The following SHISA9 variants were observed in gnomAD, a reference collection of about 807,000 sequenced individuals.
SHISA9 encodes shisa family member 9.
Under a neutral mutation model 38.0 loss-of-function variants are expected in SHISA9, and 13 were observed. The observed-to-expected ratio is 0.34, with a 90% CI of 0.22 to 0.54. The LOEUF (loss-of-function observed/expected upper bound fraction) is 0.54, where lower values mean the gene tolerates loss of function less well. Ranked by LOEUF, SHISA9 falls within the 20% of genes least tolerant of loss-of-function variation. The pLI is 0.91. For missense variants in SHISA9, 538 were observed against 575.8 expected, an observed-to-expected ratio of 0.93 and a Z score of 0.67; for synonymous variants, 275 against 242.0, an observed-to-expected ratio of 1.14 and a Z score of -1.27.
intron 2 of SHISA9, among the ~76,000 whole-genome samples, chr16:13,061,342 A>T (rs2073373482): frequency 6.6e-6 from 1 of 152,206 alleles, no homozygotes; most frequent in Non-Finnish European, 1.5e-5. Flanking sequence ...TAGGCAAGGA[A>T]ATAGTTTTGA....
chr16:13,155,063 A>G (rs543140399), intron 2 of SHISA9, among the ~76,000 whole-genome samples: 4 of 152,236 alleles, frequency 2.6e-5, no homozygotes, highest in Non-Finnish European at 2.9e-5. Context: ...AAATAATGAC[A>G]TGGGATGAAA....
Position 13,171,651 on chromosome 16 carries a change from C to T in SHISA9, c.692-31743C>T, listed in dbSNP as rs115145721. On this transcript the variant is annotated intron_variant, in intron 2 of 4. Transcript: ENST00000558583. Reference sequence around the variant, plus strand: ...GAGCATTTGGGGAAATGAAAGGAGACCAGGTGGCTAAAAGTTTAGCAAAGA... The same window carrying T: ...GAGCATTTGGGGAAATGAAAGGAGATCAGGTGGCTAAAAGTTTAGCAAAGA... Among the ~76,000 whole-genome samples the T allele has an allele frequency of 5.5e-3, 828 of 151,704 alleles. 6 individuals are homozygous for T. The highest frequency in any genetic ancestry group is 0.017 in the African/African-American group (703 of 41,298).
rs1033653518 is a variant in SHISA9 at position 13,170,219 on chromosome 16, A to T, written c.692-33175A>T. Among the ~76,000 whole-genome samples the T allele has an allele frequency of 2.9e-3, 447 of 151,676 alleles. 1 individual carries two copies. Among genetic ancestry groups the T allele is most frequent in the Non-Finnish European group, 5.4e-3 (366 of 67,880 alleles). On this transcript the variant is annotated intron_variant, in intron 2 of 4. Coordinates refer to ENST00000558583, the MANE Select transcript of SHISA9 (RefSeq NM_001145204.3). ...CTCCATCTCAAAAAAAAAAAAAAAA[A>T]AGAAAAGAAAAGTAAAATATATGTT...
chr16:13,392,302 C>A, the SHISA9 span, among the ~76,000 whole-genome samples: 1 of 152,034 alleles, frequency 6.6e-6, no homozygotes, highest in African/African-American at 2.4e-5. Context: ...TTGACAGCTC[C>A]CTTCTTTTTA....
chr16:12,973,526 G>A lies in SHISA9; in HGVS notation c.691+56711G>A, dbSNP rs927475604. On this transcript the variant is annotated intron_variant, in intron 2 of 4. Transcript: ENST00000558583. Reference sequence around the variant, plus strand: ...GAGCAGAGATTTGGCAGACAACTGGGAGGCATCAGACTAATTCATCCCATC... The same window carrying A: ...GAGCAGAGATTTGGCAGACAACTGGAAGGCATCAGACTAATTCATCCCATC... Among the ~76,000 whole-genome samples, 3 of 152,174 alleles carry A rather than the reference G, an allele frequency of 2.0e-5. No individual in the cohort carries two copies. The East Asian group carries it at 5.8e-4, about 29-fold the overall frequency.
the SHISA9 span, among the ~76,000 whole-genome samples, chr16:13,538,871 C>G: frequency 6.6e-6 from 1 of 152,170 alleles, no homozygotes; most frequent in East Asian, 1.9e-4. Context: ...ACTTTAATAA[C>G]ACAATCTTTT....
chr16:13,557,436 C>T, the SHISA9 span, among the ~76,000 whole-genome samples: 4 of 152,286 alleles, frequency 2.6e-5, no homozygotes, highest in Admixed American at 6.5e-5. Flanking sequence ...TGGTGAATAA[C>T]AGGACATTTG....
chr16:13,028,639 G>C (rs1211115722), intron 2 of SHISA9, among the ~76,000 whole-genome samples: 1 of 152,156 alleles, frequency 6.6e-6, no homozygotes, highest in South Asian at 2.1e-4. Context: ...TATGGGAGTT[G>C]CAATTCAAGA....
the SHISA9 span, among the ~76,000 whole-genome samples, chr16:13,330,909 T>C: frequency 2.0e-5 from 3 of 152,108 alleles, no homozygotes; most frequent in South Asian, 2.1e-4. Flanking sequence ...AGGTGTACAG[T>C]GTGTAAGACA....
intron 4 of SHISA9, among the ~76,000 whole-genome samples, chr16:13,228,942 C>T (rs549476090): frequency 2.5e-4 from 38 of 152,290 alleles, no homozygotes; most frequent in African/African-American, 8.4e-4. Context: ...GGGTGGATCA[C>T]TTCAGGTCAG....
chr16:13,370,113 T>A, the SHISA9 span, among the ~76,000 whole-genome samples: 1 of 152,182 alleles, frequency 6.6e-6, no homozygotes, highest in East Asian at 1.9e-4. Context: ...GATTCCAAAG[T>A]GCAGCCCGAG....
intron 2 of SHISA9, among the ~76,000 whole-genome samples, chr16:13,127,868 G>C (rs982494989): frequency 2.0e-5 from 3 of 152,152 alleles, no homozygotes; most frequent in African/African-American, 7.2e-5. Flanking sequence ...TTGGAGAGAA[G>C]CTCACAGGGA....
chr16:13,080,462 A>G (rs1436751229), intron 2 of SHISA9, among the ~76,000 whole-genome samples: 1 of 152,248 alleles, frequency 6.6e-6, no homozygotes, highest in Non-Finnish European at 1.5e-5. Context: ...GTAAAGTCCC[A>G]AGAAGTGTCC....
the SHISA9 span, among the ~76,000 whole-genome samples, chr16:13,539,348 T>C: frequency 3.1e-5 from 2 of 64,318 alleles, 1 homozygote; most frequent in African/African-American, 1.0e-4. Context: ...TATATAAAGA[T>C]ATATATATAT....
At chr16:13,123,742 C>T (rs2050233581) in intron 2 of SHISA9, among the ~76,000 whole-genome samples, 1 of 152,166 alleles carries the variant, frequency 6.6e-6, no homozygotes, top group Admixed American at 6.5e-5. Context: ...AAGAAGAATC[C>T]AGGAAGCAAG....
At chr16:12,925,806 A>G (rs1462430047) in intron 2 of SHISA9, among the ~76,000 whole-genome samples, 1 of 152,214 alleles carries the variant, frequency 6.6e-6, no homozygotes, top group East Asian at 1.9e-4. Flanking sequence ...TAGCATTGAT[A>G]CTTAGTGTGG....
chr16:13,172,451 T>A (rs932973439), intron 2 of SHISA9, among the ~76,000 whole-genome samples: 1 of 152,238 alleles, frequency 6.6e-6, no homozygotes, highest in African/African-American at 2.4e-5. Flanking sequence ...GAGTCATTAG[T>A]CGTAGCATAT....
At chr16:12,991,115 T>C (rs1379259249) in intron 2 of SHISA9, among the ~76,000 whole-genome samples, 1 of 152,206 alleles carries the variant, frequency 6.6e-6, no homozygotes, top group Non-Finnish European at 1.5e-5. Context: ...TCTTTTTGAT[T>C]ATTAAGGAGT....
the SHISA9 span, among the ~76,000 whole-genome samples, chr16:13,303,885 C>T: frequency 6.6e-6 from 1 of 152,156 alleles, no homozygotes; most frequent in Non-Finnish European, 1.5e-5. Flanking sequence ...AAATGCATTT[C>T]CCTTCTTCTT....
Sources: gnomAD v4.1 joint callset for allele counts (sites outside exome capture counted in the v4.1 genomes callset) on GRCh38, gnomAD v4.1.1 for gene constraint, MANE v1.5 for transcripts, NCBI Gene and HGNC (gene_info 2026-07-23, HGNC 2026-07-21) for gene names.